RPRD1A: variants seen among roughly 807,000 people sequenced by gnomAD.
RPRD1A encodes the protein regulation of nuclear pre-mRNA domain containing 1A, also known as regulation of nuclear pre-mRNA domain-containing protein 1A.
RPRD1A carries 9 observed loss-of-function variants against 37.8 expected under a neutral mutation model. That is an observed-to-expected ratio of 0.24 (90% CI 0.14 to 0.42). The LOEUF is 0.42. Among genes scored for constraint, RPRD1A ranks in the 10% least tolerant of loss-of-function variants. The pLI is 1.00. For synonymous variants in RPRD1A, 138 were observed against 139.7 expected (o/e 0.99, Z 0.08); for missense variants, 255 against 371.0 (o/e 0.69, Z 2.57).
At chr18:36,027,876 C>T (rs1028804141) in intron 4 of RPRD1A, 1 of 151,998 alleles carries the variant, frequency 6.6e-6, no homozygotes, top group Non-Finnish European at 1.5e-5. Flanking sequence ...TATCCTATGG[C>T]TTGTTAATAA....
chr18:35,998,615 C>G (rs1657500577), intron 6 of RPRD1A, among the ~76,000 whole-genome samples: 1 of 152,180 alleles, frequency 6.6e-6, no homozygotes, highest in Admixed American at 6.5e-5. Flanking sequence ...ATGTCAGTTT[C>G]TGCAGTTCCA....
intron 6 of RPRD1A, among the ~76,000 whole-genome samples, chr18:36,017,204 G>T (rs887761861): frequency 4.6e-5 from 7 of 152,066 alleles, no homozygotes; most frequent in Admixed American, 6.6e-5. Flanking sequence ...CAGCTACTCG[G>T]GAGGCTGATC....
At chr18:36,005,467 A>T (rs561471076) in intron 6 of RPRD1A, among the ~76,000 whole-genome samples, 18 of 152,168 alleles carry the variant, frequency 1.2e-4, no homozygotes, top group Non-Finnish European at 2.4e-4. Flanking sequence ...TTTCTCTAAT[A>T]ATTATGTATT....
At chr18:36,014,042 TG>T (rs1396699289) in intron 6 of RPRD1A, among the ~76,000 whole-genome samples, 4 of 152,180 alleles carry the variant, frequency 2.6e-5, no homozygotes, top group Non-Finnish European at 5.9e-5. Flanking sequence ...TTCTCCACAG[TG>T]TGAGTATATA....
chr18:36,019,473 T>TGATGTAGG (rs1394227580), intron 6 of RPRD1A, among the ~76,000 whole-genome samples: 1 of 152,016 alleles, frequency 6.6e-6, no homozygotes, highest in Non-Finnish European at 1.5e-5. Context: ...ATGGTTGCAA[T>TGATGTAGG]GATGTAGGGA....
chr18:36,060,626 T>C (rs750975374), intron 1 of RPRD1A, among the ~76,000 whole-genome samples: 4 of 152,106 alleles, frequency 2.6e-5, no homozygotes, highest in Non-Finnish European at 4.4e-5. Flanking sequence ...GAGCTAAAAA[T>C]TGAAATAGGT....
intron 1 of RPRD1A, among the ~76,000 whole-genome samples, chr18:36,051,955 C>T (rs190881700): frequency 2.6e-5 from 4 of 152,084 alleles, no homozygotes; most frequent in East Asian, 1.9e-4. Context: ...AACTTGAAGA[C>T]GTGAATCTAC....
intron 4 of RPRD1A, among the ~76,000 whole-genome samples, chr18:36,028,537 T>C (rs1207271272): frequency 6.6e-6 from 1 of 152,178 alleles, no homozygotes; most frequent in East Asian, 1.9e-4. Flanking sequence ...GGCTTTATTG[T>C]CTTGGCAATG....
chr18:36,059,890 A>G (rs140734853), intron 1 of RPRD1A, among the ~76,000 whole-genome samples: 74 of 152,332 alleles, frequency 4.9e-4, no homozygotes, highest in African/African-American at 1.7e-3. Flanking sequence ...AAGTGTTAAG[A>G]AAGACTATAA....
chr18:36,043,593 C>T (rs1912751117), intron 1 of RPRD1A, among the ~76,000 whole-genome samples: 2 of 152,166 alleles, frequency 1.3e-5, no homozygotes, highest in African/African-American at 4.8e-5. Context: ...CCATAAAATA[C>T]ACTGTCAACT....
intron 1 of RPRD1A, among the ~76,000 whole-genome samples, chr18:36,038,415 T>C (rs1912350893): frequency 6.6e-6 from 1 of 152,212 alleles, no homozygotes; most frequent in South Asian, 2.1e-4. Context: ...TCCATGTGAT[T>C]GTGGGCCTGT....
At chr18:36,010,540 C>T (rs1910113615) in intron 6 of RPRD1A, among the ~76,000 whole-genome samples, 1 of 152,018 alleles carries the variant, frequency 6.6e-6, no homozygotes, top group African/African-American at 2.4e-5. Flanking sequence ...AGTCTAACAC[C>T]TTAAAATAGA....
At chr18:35,994,621 C>T (rs1908913954) in intron 6 of RPRD1A, among the ~76,000 whole-genome samples, 1 of 152,086 alleles carries the variant, frequency 6.6e-6, no homozygotes. Flanking sequence ...CATTTTTAAG[C>T]ATGATAACTG....
In RPRD1A at chr18:36,030,850, A is replaced by G. The variant is rs1911726877; in HGVS notation, c.444T>C (p.Asn148=). ...RTYEQIKVDE[N]ENCSSLGSPS... ...GAGATCCCAGAGAGGAACAGTTTTC[A>G]TTTTCATCCACCTTTATCTGTTCAT... The change falls in exon 4 of 7, where the codon AAT becomes AAC. Residue 148 remains asparagine, a synonymous_variant. Transcript: ENST00000399022. The G allele has an allele frequency of 6.2e-7, 1 of 1,613,368 alleles. No individual in the cohort carries two copies. Among genetic ancestry groups the G allele is most frequent in the Non-Finnish European group, 8.5e-7 (1 of 1,179,668 alleles).
intron 4 of RPRD1A, 41 bp downstream of exon 4, chr18:36,030,767 A>G (rs768665073): frequency 1.7e-6 from 2 of 1,192,324 alleles, no homozygotes; most frequent in Middle Eastern, 1.9e-4. Flanking sequence ...GGCAACATGA[A>G]GTAAAAGTTT....
intron 1 of RPRD1A, among the ~76,000 whole-genome samples, chr18:36,052,550 G>A (rs1332024054): frequency 6.6e-6 from 1 of 152,088 alleles, no homozygotes; most frequent in Non-Finnish European, 1.5e-5. Flanking sequence ...CAGGGCTATA[G>A]AAGAACAGAG....
chr18:36,001,422 C>A (rs1397876461), intron 6 of RPRD1A, among the ~76,000 whole-genome samples: 2 of 152,166 alleles, frequency 1.3e-5, no homozygotes, highest in Non-Finnish European at 2.9e-5. Flanking sequence ...AATACTGTTA[C>A]CTTTATCTTC....
intron 1 of RPRD1A, among the ~76,000 whole-genome samples, chr18:36,041,170 C>T (rs918898174): frequency 7.9e-5 from 12 of 152,180 alleles, no homozygotes; most frequent in Non-Finnish European, 1.6e-4. Flanking sequence ...ATCACCTACA[C>T]GGGCTCCATT....
chr18:36,015,595 T>C (rs142065523), intron 6 of RPRD1A, among the ~76,000 whole-genome samples: 42 of 152,246 alleles, frequency 2.8e-4, no homozygotes, highest in African/African-American at 9.9e-4. Flanking sequence ...CATGGACAAA[T>C]GAAAACATGC....
Sources: allele counts gnomAD v4.1 joint callset (sites outside exome capture counted in the v4.1 genomes callset), GRCh38; gene constraint gnomAD v4.1.1; transcripts MANE v1.5; gene names NCBI Gene and HGNC (gene_info 2026-07-23, HGNC 2026-07-21).